The following NOTCH2 variants were observed in gnomAD, a reference collection of about 807,000 sequenced individuals.
NOTCH2 encodes notch receptor 2, also known as neurogenic locus notch homolog protein 2.
Under a neutral mutation model 235.8 loss-of-function variants are expected in NOTCH2, and 29 were observed. The observed-to-expected ratio is 0.12, with a 90% CI of 0.09 to 0.17. The LOEUF is 0.17. Among genes scored for constraint, NOTCH2 ranks in the 10% least tolerant of loss-of-function variants. The probability of loss-of-function intolerance (pLI) is 1.00; values close to 1 mark genes in which losing one functional copy is unlikely to be tolerated. For missense variants in NOTCH2, 2,285 were observed against 3,150.2 expected (o/e 0.73, Z 6.57); for synonymous variants, 1,086 against 1,141.5 (o/e 0.95, Z 0.98).
chr1:119,952,874 T>A (rs782815015), intron 14 of NOTCH2, among the ~76,000 whole-genome samples: 1 of 152,254 alleles, frequency 6.6e-6, no homozygotes, highest in African/African-American at 2.4e-5. Flanking sequence ...ATTACTACTA[T>A]CTTAATTATA....
In NOTCH2 at chr1:119,920,220, G is replaced by A. The variant is rs759713592; in HGVS notation, c.5479+9C>T. The stretch of plus-strand genomic sequence containing the variant: ...GCCCAGTGAAGAGGGGAAGAGGCCC[G>A]GTGCTGACCTGGGCCACGGACATTC... On this transcript the variant is annotated intron_variant, in intron 30 of 33. Transcript: ENST00000256646. 5 of 1,613,596 alleles carry A rather than the reference G, an allele frequency of 3.1e-6. No individual in the cohort carries two copies. Among genetic ancestry groups the A allele is most frequent in the African/African-American group, 1.3e-5 (1 of 74,890 alleles).
intron 13 of NOTCH2, 88 bp from the exon 14 acceptor site, chr1:119,953,776 G>T (rs1480017877): frequency 1.1e-5 from 12 of 1,142,654 alleles, no homozygotes; most frequent in Non-Finnish European, 1.6e-5. Flanking sequence ...GAAGAAATGG[G>T]GTAAACTGAT....
At chr1:119,999,976 A>AAGGAAGGAAGGAAGG (rs58528085) in intron 3 of NOTCH2, among the ~76,000 whole-genome samples, 10 of 56,646 alleles carry the variant, frequency 1.8e-4, no homozygotes, top group Admixed American at 3.7e-4. Context: ...AGAAAGAAAG[A>AAGGAAGGAAGGAAGG]AAGGAAGGAA....
At chr1:119,969,478 C>T (rs587756197) in intron 6 of NOTCH2, 33 bp downstream of exon 6, 1 of 1,590,290 alleles carries the variant, frequency 6.3e-7, no homozygotes, top group Non-Finnish European at 8.6e-7. Flanking sequence ...CCTGCCCCTT[C>T]CCTGTTTCTA....
At chr1:120,063,596 AC>A (rs1655395774) in intron 1 of NOTCH2, among the ~76,000 whole-genome samples, 1 of 152,238 alleles carries the variant, frequency 6.6e-6, no homozygotes, top group South Asian at 2.1e-4. Flanking sequence ...TCTTCTCTGT[AC>A]TAAGTGAGGC....
At chr1:120,025,483 CT>C (rs1653806388) in intron 2 of NOTCH2, among the ~76,000 whole-genome samples, 1 of 149,724 alleles carries the variant, frequency 6.7e-6, no homozygotes, top group African/African-American at 2.5e-5. Context: ...TAGGCCCACC[CT>C]AACGTGTCCT....
intron 31 of NOTCH2, 77 bp downstream of exon 31, chr1:119,919,235 A>G (rs1424050340): frequency 2.2e-6 from 3 of 1,394,076 alleles, no homozygotes. Flanking sequence ...TCAATGAGAT[A>G]TTAATTCTTT....
chr1:119,971,071 C>T (rs1221237432), intron 5 of NOTCH2, among the ~76,000 whole-genome samples: 2 of 152,218 alleles, frequency 1.3e-5, no homozygotes, highest in Non-Finnish European at 2.9e-5. Flanking sequence ...CTCGCGGATG[C>T]TAGTTGTGTC....
At chr1:119,984,195 A>C (rs1163267291) in intron 5 of NOTCH2, among the ~76,000 whole-genome samples, 1 of 152,198 alleles carries the variant, frequency 6.6e-6, no homozygotes, top group Non-Finnish European at 1.5e-5. Flanking sequence ...GTAAATCACC[A>C]AATCTCAGGA....
chr1:119,971,001 C>T (rs1401613478), intron 5 of NOTCH2, among the ~76,000 whole-genome samples: 2 of 152,198 alleles, frequency 1.3e-5, no homozygotes, highest in Non-Finnish European at 2.9e-5. Context: ...TCTCTAGACC[C>T]AGAATACCTA....
intron 5 of NOTCH2, 96 bp downstream of exon 5, chr1:119,986,864 G>T: frequency 6.6e-7 from 1 of 1,514,536 alleles, no homozygotes; most frequent in Non-Finnish European, 9.1e-7. Flanking sequence ...TTCCAGAGCA[G>T]GCCTAAGATA....
chr1:119,976,868 C>T (rs1651600049), intron 5 of NOTCH2, among the ~76,000 whole-genome samples: 1 of 152,068 alleles, frequency 6.6e-6, no homozygotes, highest in South Asian at 2.1e-4. Context: ...TATCCTCACT[C>T]TCCCCAACTC....
At chr1:120,069,269 G>T (rs1446486477) in intron 1 of NOTCH2, 65 bp downstream of exon 1, 25 of 1,526,814 alleles carry the variant, frequency 1.6e-5, no homozygotes, top group Admixed American at 2.0e-5. Flanking sequence ...GACCGAGGGG[G>T]AGAAGGGTCG....
chr1:119,986,767 T>C (rs1183577247), intron 5 of NOTCH2, among the ~76,000 whole-genome samples, 193 bp downstream of exon 5: 1 of 152,192 alleles, frequency 6.6e-6, no homozygotes, highest in Non-Finnish European at 1.5e-5. Context: ...TGTGAAAATA[T>C]GTCTTTGAGT....
At position 119,922,466 on chromosome 1, in the gene NOTCH2, G is replaced by A. The variant is rs2101155098; in HGVS notation, c.5003-20C>T. On this transcript the variant is annotated intron_variant, in intron 27 of 33. Transcript: ENST00000256646. ...ATTCACCTGAAAGTCCACAGAGACA[G>A]GGAAAGTGCTGAATAAAACATTAAC... is the stretch of plus-strand genomic sequence containing the variant. 10 of 1,605,370 alleles carry A rather than the reference G, an allele frequency of 6.2e-6. No individual in the cohort carries two copies. The highest frequency in any genetic ancestry group is 7.7e-6 in the Non-Finnish European group (9 of 1,175,064).
intron 1 of NOTCH2, among the ~76,000 whole-genome samples, chr1:120,038,781 T>C (rs1341087238): frequency 6.7e-6 from 1 of 149,418 alleles, no homozygotes; most frequent in Non-Finnish European, 1.5e-5. Context: ...TTAACAAGGA[T>C]GAAAAGTTGA....
chr1:120,060,192 G>A (rs1304667262), intron 1 of NOTCH2, among the ~76,000 whole-genome samples: 5 of 133,058 alleles, frequency 3.8e-5, no homozygotes, highest in Non-Finnish European at 7.9e-5. Flanking sequence ...TATTTAAAGA[G>A]CTTTTTCAAA....
chr1:119,972,004 G>A (rs1651379667), intron 5 of NOTCH2, among the ~76,000 whole-genome samples: 1 of 151,958 alleles, frequency 6.6e-6, no homozygotes, highest in African/African-American at 2.4e-5. Flanking sequence ...GAAGGGAGAA[G>A]ATGAATAAGA....
intron 7 of NOTCH2, 54 bp from the exon 8 acceptor site, chr1:119,967,675 T>C: frequency 2.0e-6 from 3 of 1,498,204 alleles, no homozygotes; most frequent in South Asian, 2.3e-5. Flanking sequence ...TTTCCACAAA[T>C]GTGAACAATA....
Sources: allele counts gnomAD v4.1 joint callset (sites outside exome capture counted in the v4.1 genomes callset), GRCh38; gene constraint gnomAD v4.1.1; transcripts MANE v1.5; gene names NCBI Gene and HGNC (gene_info 2026-07-23, HGNC 2026-07-21).